Variants in TMEM45B observed in about 807,000 individuals in gnomAD.
The protein encoded by TMEM45B is transmembrane protein 45B.
Under a neutral mutation model 27.3 loss-of-function variants are expected in TMEM45B, and 29 were observed. The ratio of observed to expected loss-of-function variants is 1.06; its 90% confidence interval spans 0.79 to 1.45. The LOEUF is 1.45. Among genes scored for constraint, TMEM45B ranks in the 40% most tolerant of loss-of-function variants. The probability of loss-of-function intolerance (pLI) is 0.00; values close to 1 mark genes in which losing one functional copy is unlikely to be tolerated. For missense variants in TMEM45B, 348 were observed against 343.9 expected, an observed-to-expected ratio of 1.01 and a Z score of -0.09; for synonymous variants, 143 against 134.7, an observed-to-expected ratio of 1.06 and a Z score of -0.43.
intron 1 of TMEM45B, among the ~76,000 whole-genome samples, chr11:129,847,736 C>G (rs1400346482): frequency 6.6e-6 from 1 of 152,140 alleles, no homozygotes; most frequent in African/African-American, 2.4e-5. Flanking sequence ...TCCCAAGGCA[C>G]AATTTTTCTT....
chr11:129,841,592 G>GTTTTTTTTT (rs567723417), intron 1 of TMEM45B, among the ~76,000 whole-genome samples: 14 of 124,584 alleles, frequency 1.1e-4, no homozygotes, highest in East Asian at 4.6e-4. Flanking sequence ...TTGTTTTTTT[G>GTTTTTTTTT]TTTTTTTTTT....
chr11:129,841,477 A>C (rs1947691442), intron 1 of TMEM45B, among the ~76,000 whole-genome samples: 1 of 152,052 alleles, frequency 6.6e-6, no homozygotes, highest in South Asian at 2.1e-4. Context: ...AGAAGACCTG[A>C]GAGAGCCCAG....
At chr11:129,828,641 G>C (rs560750239) in intron 1 of TMEM45B, among the ~76,000 whole-genome samples, 2 of 152,310 alleles carry the variant, frequency 1.3e-5, no homozygotes, top group East Asian at 3.9e-4. Context: ...GCTGAGTCAG[G>C]TAGGTTTGGC....
intron 5 of TMEM45B, among the ~76,000 whole-genome samples, chr11:129,857,900 G>T (rs1162721539): frequency 6.6e-6 from 1 of 152,142 alleles, no homozygotes; most frequent in Non-Finnish European, 1.5e-5. Flanking sequence ...CCTCACTGAA[G>T]GCTCCTTAGA....
chr11:129,858,736 AG>A lies in TMEM45B; in HGVS notation c.*52del. ...CCCACTGCACAGCTGGAATGAATGG[AG>A]TTCATCCCCTCCACCTGAATGCCTG... On this transcript the variant is annotated 3_prime_UTR_variant, in exon 6 of 6. Transcript: ENST00000281441. The A allele has an allele frequency of 6.0e-6, 8 of 1,344,376 alleles. No homozygotes were observed. The highest frequency in any genetic ancestry group is 8.3e-6 in the Non-Finnish European group (8 of 964,654). The allele number at this position is 1,344,376 out of a possible 1,614,324, so 83.3% of individuals were successfully genotyped here. A position where few individuals can be genotyped will look rare whatever the true frequency, so the allele number is the denominator to read the frequency against.
At chr11:129,844,581 T>C (rs145077796) in intron 1 of TMEM45B, among the ~76,000 whole-genome samples, 2 of 152,190 alleles carry the variant, frequency 1.3e-5, no homozygotes, top group Non-Finnish European at 2.9e-5. Context: ...TAACTACTTA[T>C]GAGGCTGAGG....
At chr11:129,822,854 T>C (rs1387327779) in intron 1 of TMEM45B, among the ~76,000 whole-genome samples, 1 of 151,310 alleles carries the variant, frequency 6.6e-6, no homozygotes, top group African/African-American at 2.4e-5. Flanking sequence ...TTTTTTTTTT[T>C]TTTTGAGACA....
chr11:129,816,317 G>A (rs1180590476), intron 1 of TMEM45B, among the ~76,000 whole-genome samples: 2 of 152,174 alleles, frequency 1.3e-5, no homozygotes, highest in Non-Finnish European at 2.9e-5. Context: ...CGCGCCCCCG[G>A]GGATGCCATC....
At chr11:129,817,190 A>AT (rs1447422533) in intron 1 of TMEM45B, among the ~76,000 whole-genome samples, 3 of 152,088 alleles carry the variant, frequency 2.0e-5, no homozygotes, top group African/African-American at 7.2e-5. Flanking sequence ...TTTTACACTC[A>AT]TTTTAATAGA....
chr11:129,828,631 G>A (rs969341818), intron 1 of TMEM45B, among the ~76,000 whole-genome samples: 6 of 152,224 alleles, frequency 3.9e-5, no homozygotes, highest in Non-Finnish European at 5.9e-5. Context: ...GTTACAAAAA[G>A]CTGAGTCAGG....
chr11:129,857,810 T>G (rs1947952116), intron 5 of TMEM45B, among the ~76,000 whole-genome samples: 1 of 152,108 alleles, frequency 6.6e-6, no homozygotes, highest in Admixed American at 6.5e-5. Context: ...TTTCCAGACC[T>G]GCCCTCCCTG....
chr11:129,823,821 C>T (rs1442075912), intron 1 of TMEM45B, among the ~76,000 whole-genome samples: 1 of 152,178 alleles, frequency 6.6e-6, no homozygotes, highest in Non-Finnish European at 1.5e-5. Flanking sequence ...TGCATCGAGT[C>T]CCTCCTGAGC....
At chr11:129,833,739 C>T (rs1947582825) in intron 1 of TMEM45B, among the ~76,000 whole-genome samples, 1 of 152,176 alleles carries the variant, frequency 6.6e-6, no homozygotes, top group Admixed American at 6.5e-5. Context: ...TGTGCCACTG[C>T]ACTCCAGCCT....
Position 129,858,552 on chromosome 11 carries a change from TCTTA to T in TMEM45B, c.717-19_717-16del, listed in dbSNP as rs778990865. ...TTAAGGGAATCTCTGGCTAATTGGCTCTTACTCTTTCTCTATTAAAGCCTTTTGA... is the reference window on the plus strand; with the variant it reads ...TTAAGGGAATCTCTGGCTAATTGGCTCTCTTTCTCTATTAAAGCCTTTTGA... On this transcript the variant is annotated intron_variant, in intron 5 of 5. Transcript: ENST00000281441. 8.2e-5 allele frequency: 127 copies of T among 1,549,612 alleles called. No individual in the cohort carries two copies. In the East Asian group the frequency reaches 2.2e-3, roughly 27 times the overall value.
chr11:129,826,550 A>AAAG (rs1947483485), intron 1 of TMEM45B, among the ~76,000 whole-genome samples: 1 of 70,436 alleles, frequency 1.4e-5, no homozygotes, highest in South Asian at 7.1e-4. Context: ...CTCTGTCACA[A>AAAG]AAAAAAAAAA....
chr11:129,830,435 G>A (rs1297192243), intron 1 of TMEM45B, among the ~76,000 whole-genome samples: 6 of 152,034 alleles, frequency 3.9e-5, no homozygotes. Context: ...GTTAAGCAGT[G>A]GTTTCTTGGA....
At chr11:129,830,757 T>G (rs911982636) in intron 1 of TMEM45B, among the ~76,000 whole-genome samples, 1 of 152,176 alleles carries the variant, frequency 6.6e-6, no homozygotes, top group Non-Finnish European at 1.5e-5. Flanking sequence ...AAAATACCAC[T>G]TCATACCCAC....
At chr11:129,819,073 T>C (rs1384081200) in intron 1 of TMEM45B, among the ~76,000 whole-genome samples, 1 of 152,258 alleles carries the variant, frequency 6.6e-6, no homozygotes, top group Admixed American at 6.5e-5. Flanking sequence ...ATGGACCTTC[T>C]GTTCTAACTG....
chr11:129,853,143 G>C (rs1254739054), intron 2 of TMEM45B, among the ~76,000 whole-genome samples: 1 of 152,176 alleles, frequency 6.6e-6, no homozygotes, highest in Non-Finnish European at 1.5e-5. Flanking sequence ...TCGTAAATTA[G>C]CCAGTGGGAG....
Sources: gnomAD v4.1 joint callset for allele counts (sites outside exome capture counted in the v4.1 genomes callset) on GRCh38, gnomAD v4.1.1 for gene constraint, MANE v1.5 for transcripts, NCBI Gene and HGNC (gene_info 2026-07-23, HGNC 2026-07-21) for gene names.